Variants in MAN1A2 observed in about 807,000 individuals in gnomAD.
MAN1A2 encodes the protein mannosyl-oligosaccharide 1,2-alpha-mannosidase IB.
Under a neutral mutation model 75.7 loss-of-function variants are expected in MAN1A2, and 26 were observed. The observed-to-expected ratio is 0.34, with a 90% CI of 0.25 to 0.48. The LOEUF is 0.48. Among genes scored for constraint, MAN1A2 ranks in the 20% least tolerant of loss-of-function variants. The probability of loss-of-function intolerance (pLI) is 0.99; values close to 1 mark genes in which losing one functional copy is unlikely to be tolerated. For missense variants in MAN1A2, 562 were observed against 775.5 expected (o/e 0.72, Z 3.27); for synonymous variants, 247 against 264.6 (o/e 0.93, Z 0.65).
At chr1:117,453,851 A>T (rs1649496456) in intron 6 of MAN1A2, among the ~76,000 whole-genome samples, 1 of 152,208 alleles carries the variant, frequency 6.6e-6, no homozygotes, top group African/African-American at 2.4e-5. Context: ...AACAGGAAGA[A>T]TCAATCAATA....
chr1:117,477,238 A>G (rs958841984), intron 8 of MAN1A2, among the ~76,000 whole-genome samples: 21 of 152,020 alleles, frequency 1.4e-4, no homozygotes, highest in African/African-American at 5.1e-4. Flanking sequence ...TCCTTCTGAA[A>G]CTAATCCAAA....
intron 8 of MAN1A2, among the ~76,000 whole-genome samples, chr1:117,475,214 T>C (rs756837665): frequency 2.6e-5 from 4 of 151,958 alleles, no homozygotes; most frequent in Non-Finnish European, 5.9e-5. Context: ...ATAGTAGATG[T>C]GTATGTTTAA....
intron 6 of MAN1A2, among the ~76,000 whole-genome samples, chr1:117,456,325 A>G (rs981552752): frequency 1.3e-5 from 2 of 152,052 alleles, no homozygotes; most frequent in African/African-American, 4.8e-5. Context: ...AAGCCAGATT[A>G]TGGCATCATA....
Position 117,463,091 on chromosome 1 carries a change from A to C in MAN1A2, c.1074+2479A>C, listed in dbSNP as rs1649873695. 2.0e-5 allele frequency among the ~76,000 whole-genome samples: 3 copies of C among 151,106 alleles called. No homozygotes were observed. The South Asian group carries it at 6.2e-4, about 31-fold the overall frequency. Reference sequence around the variant, plus strand: ...CCTGTTCTGACTAAATAAATAATAAAAATTAAATATTTTTATATTAATTAT... The same window carrying C: ...CCTGTTCTGACTAAATAAATAATAACAATTAAATATTTTTATATTAATTAT... On this transcript the variant is annotated intron_variant, in intron 7 of 12. Transcript: ENST00000356554.
chr1:117,378,677 A>T (rs1253408717), intron 1 of MAN1A2, among the ~76,000 whole-genome samples: 2 of 152,090 alleles, frequency 1.3e-5, no homozygotes, highest in African/African-American at 4.8e-5. Context: ...AGTGGTTATT[A>T]TACCAGTTTA....
At chr1:117,398,673 C>CAA (rs34938045) in intron 1 of MAN1A2, among the ~76,000 whole-genome samples, 2,084 of 115,098 alleles carry the variant, frequency 0.018, 20 homozygotes, top group Middle Eastern at 0.032. Flanking sequence ...GACTCTATTT[C>CAA]AAAAAAAAAA....
chr1:117,378,729 T>G (rs764978806), intron 1 of MAN1A2, among the ~76,000 whole-genome samples: 3 of 152,184 alleles, frequency 2.0e-5, no homozygotes, highest in Admixed American at 1.3e-4. Context: ...ATTGTTAGAG[T>G]TTAAAACTCT....
At chr1:117,506,185 G>A (rs969364469) in intron 12 of MAN1A2, among the ~76,000 whole-genome samples, 6 of 151,484 alleles carry the variant, frequency 4.0e-5, no homozygotes, top group African/African-American at 1.5e-4. Flanking sequence ...GGCTTTGTCA[G>A]AAGCTGTCAG....
chr1:117,458,078 G>A (rs1204349590), intron 6 of MAN1A2, among the ~76,000 whole-genome samples: 1 of 151,820 alleles, frequency 6.6e-6, no homozygotes, highest in Non-Finnish European at 1.5e-5. Context: ...AGCCTTTTTT[G>A]TAACTCACTT....
chr1:117,510,722 A>C (rs989677756), intron 12 of MAN1A2, among the ~76,000 whole-genome samples: 3 of 152,126 alleles, frequency 2.0e-5, no homozygotes, highest in African/African-American at 7.2e-5. Context: ...TTTGTTGTTA[A>C]GTGCCTGATG....
At chr1:117,389,010 T>C (rs1480387107) in intron 1 of MAN1A2, among the ~76,000 whole-genome samples, 2 of 152,118 alleles carry the variant, frequency 1.3e-5, no homozygotes, top group Non-Finnish European at 2.9e-5. Flanking sequence ...TTGATGAAAA[T>C]ATACAAATTT....
At chr1:117,454,802 C>T (rs1649528328) in intron 6 of MAN1A2, among the ~76,000 whole-genome samples, 1 of 152,004 alleles carries the variant, frequency 6.6e-6, no homozygotes, top group Non-Finnish European at 1.5e-5. Context: ...TTTGTTACCA[C>T]AGTAGCACAG....
intron 1 of MAN1A2, among the ~76,000 whole-genome samples, chr1:117,376,567 C>T (rs1653152433): frequency 6.6e-6 from 1 of 152,260 alleles, no homozygotes; most frequent in South Asian, 2.1e-4. Context: ...CACCAACTCT[C>T]CTCAGACCTC....
At chr1:117,517,257 A>G (rs959718346) in intron 12 of MAN1A2, among the ~76,000 whole-genome samples, 1 of 152,194 alleles carries the variant, frequency 6.6e-6, no homozygotes, top group Non-Finnish European at 1.5e-5. Context: ...ACAAAGTAAA[A>G]TCTGTAATGT....
chr1:117,392,326 C>T (rs1365831793), intron 1 of MAN1A2, among the ~76,000 whole-genome samples: 1 of 151,880 alleles, frequency 6.6e-6, no homozygotes, highest in Non-Finnish European at 1.5e-5. Flanking sequence ...ACTTGATCTG[C>T]ATGGCAAACT....
At chr1:117,411,981 C>A (rs1471423243) in intron 3 of MAN1A2, among the ~76,000 whole-genome samples, 4 of 151,732 alleles carry the variant, frequency 2.6e-5, no homozygotes. Flanking sequence ...CAAATGAGAT[C>A]AGGTGTAGTT....
chr1:117,445,890 A>ATATATG (rs1557953925), intron 6 of MAN1A2, among the ~76,000 whole-genome samples: 7 of 142,654 alleles, frequency 4.9e-5, no homozygotes, highest in East Asian at 2.0e-4. Flanking sequence ...GTGTGTATAT[A>ATATATG]TATATATATG....
At chr1:117,458,566 C>T (rs1649703876) in intron 6 of MAN1A2, among the ~76,000 whole-genome samples, 1 of 138,438 alleles carries the variant, frequency 7.2e-6, no homozygotes, top group South Asian at 2.2e-4. Context: ...TCTTGTTGCC[C>T]AAACTAGAAT....
intron 5 of MAN1A2, among the ~76,000 whole-genome samples, chr1:117,428,734 A>AGAGTATAC (rs1648467011): frequency 6.6e-6 from 1 of 151,506 alleles, no homozygotes; most frequent in African/African-American, 2.4e-5. Flanking sequence ...CATCAATATC[A>AGAGTATAC]GAGTATACTT....
Sources: allele counts gnomAD v4.1 joint callset (sites outside exome capture counted in the v4.1 genomes callset), GRCh38; gene constraint gnomAD v4.1.1; transcripts MANE v1.5; gene names NCBI Gene and HGNC (gene_info 2026-07-23, HGNC 2026-07-21).